Variants in SYT17 observed in about 807,000 individuals in gnomAD.
SYT17 encodes synaptotagmin-17.
Under a neutral mutation model 46.7 loss-of-function variants are expected in SYT17, and 22 were observed. The ratio of observed to expected loss-of-function variants is 0.47; its 90% CI spans 0.34 to 0.67. SYT17 has a LOEUF of 0.67. Ranked by LOEUF, SYT17 falls within the 30% of genes least tolerant of loss-of-function variation. The probability of loss-of-function intolerance (pLI) is 0.01; values close to 1 mark genes in which losing one functional copy is unlikely to be tolerated. For synonymous variants in SYT17, 251 were observed against 248.4 expected, an observed-to-expected ratio of 1.01 and a Z score of -0.10; for missense variants, 519 against 612.8, an observed-to-expected ratio of 0.85 and a Z score of 1.62.
intron 7 of SYT17, among the ~76,000 whole-genome samples, chr16:19,245,120 T>G (rs1170784269): frequency 3.3e-5 from 5 of 152,160 alleles, no homozygotes; most frequent in Admixed American, 6.5e-5. Context: ...AATTCCAGGC[T>G]GGCAAGAGCC....
intron 7 of SYT17, among the ~76,000 whole-genome samples, chr16:19,229,140 G>C (rs1966594775): frequency 1.3e-5 from 2 of 152,250 alleles, no homozygotes; most frequent in African/African-American, 2.4e-5. Context: ...AAGTAAAGTG[G>C]AGCTGGCCAC....
chr16:19,187,991 C>T (rs988727233), intron 5 of SYT17, among the ~76,000 whole-genome samples: 1 of 152,052 alleles, frequency 6.6e-6, no homozygotes, highest in Non-Finnish European at 1.5e-5. Flanking sequence ...GGGCATATAC[C>T]CAAAGGAATA....
At chr16:19,253,757 C>T (rs956702417) in intron 7 of SYT17, among the ~76,000 whole-genome samples, 4 of 152,122 alleles carry the variant, frequency 2.6e-5, no homozygotes, top group African/African-American at 7.2e-5. Flanking sequence ...GACGGAGTTT[C>T]ACTCTTGTTG....
intron 5 of SYT17, chr16:19,211,518 G>T (rs1209138791): frequency 1.4e-6 from 1 of 702,514 alleles, no homozygotes. Flanking sequence ...AGGCAGAGGG[G>T]TGTTTTCAAC....
At chr16:19,250,663 C>T (rs1047296684) in intron 7 of SYT17, among the ~76,000 whole-genome samples, 1 of 152,162 alleles carries the variant, frequency 6.6e-6, no homozygotes, top group African/African-American at 2.4e-5. Flanking sequence ...CATGACCTTG[C>T]CTCAGCCTCC....
Position 19,187,620 on chromosome 16 carries a change from ACT to A in SYT17, c.951+3476_951+3477del, listed in dbSNP as rs572059337. 4.3e-3 allele frequency among the ~76,000 whole-genome samples: 662 copies of A among 152,192 alleles called. 5 individuals carry two copies. Among genetic ancestry groups the A allele is most frequent in the African/African-American group, 0.015 (639 of 41,512 alleles). ...GCTCACACAAAGAGAGGCACTGGAG[ACT>A]CTGACTGAGGGAAGAATATGCTCCT... On this transcript the variant is annotated intron_variant, in intron 5 of 7. Coordinates refer to ENST00000355377, the MANE Select transcript of SYT17 (RefSeq NM_016524.4).
intron 5 of SYT17, among the ~76,000 whole-genome samples, chr16:19,191,638 A>C (rs988425535): frequency 6.6e-6 from 1 of 152,250 alleles, no homozygotes. Context: ...GCATTCAAAA[A>C]AGATAGAGTG....
At chr16:19,181,011 G>A (rs192997424) in intron 4 of SYT17, among the ~76,000 whole-genome samples, 300 of 152,274 alleles carry the variant, frequency 2.0e-3, no homozygotes, top group African/African-American at 7.0e-3. Flanking sequence ...GCAGGGTGGG[G>A]ACTTCGGTCA....
Position 19,183,542 on chromosome 16 carries a change from C to G in SYT17, c.346C>G (p.Arg116Gly), listed in dbSNP as rs139600806. Reference protein sequence around the residue: ...TRRISSLESRRPSSPLIDIKP... With the variant: ...TRRISSLESRGPSSPLIDIKP... ...GTGGCTCTCAGGTCTTGAGTCAAGA[C>G]GTCCCAGCTCTCCACTCATCGATAT... The change falls in exon 5 of 8, where the codon CGT (arginine) becomes GGT (glycine). Residue 116 changes from arginine (R) to glycine (G), a missense_variant. Transcript: ENST00000355377. The surrounding 1 kb of genome is among the most constrained non-coding windows in gnomAD (Gnocchi z 5.6). 1 of 1,614,024 alleles carries G rather than the reference C, an allele frequency of 6.2e-7. No homozygotes were observed. Among genetic ancestry groups the G allele is most frequent in the Non-Finnish European group, 8.5e-7 (1 of 1,179,914 alleles).
At chr16:19,238,515 C>T (rs1242634911) in intron 7 of SYT17, among the ~76,000 whole-genome samples, 1 of 152,246 alleles carries the variant, frequency 6.6e-6, no homozygotes, top group Admixed American at 6.5e-5. Context: ...TGCCAACATC[C>T]ACCAGGTGGT....
intron 7 of SYT17, among the ~76,000 whole-genome samples, chr16:19,226,679 G>A (rs560910454): frequency 9.8e-5 from 15 of 152,288 alleles, no homozygotes; most frequent in Middle Eastern, 3.4e-3. Context: ...ACAGAAGACC[G>A]TCACCCCTGA....
intron 7 of SYT17, among the ~76,000 whole-genome samples, chr16:19,239,853 G>A (rs572412702): frequency 1.3e-5 from 2 of 152,318 alleles, no homozygotes; most frequent in African/African-American, 4.8e-5. Context: ...AGGGTTATGT[G>A]AGCAAACGAG....
At chr16:19,245,130 C>T (rs1404053863) in intron 7 of SYT17, among the ~76,000 whole-genome samples, 1 of 152,190 alleles carries the variant, frequency 6.6e-6, no homozygotes, top group African/African-American at 2.4e-5. Context: ...TGGCAAGAGC[C>T]TGGAAAACCT....
chr16:19,225,662 C>T (rs1966473637), intron 7 of SYT17, among the ~76,000 whole-genome samples: 1 of 152,126 alleles, frequency 6.6e-6, no homozygotes, highest in African/African-American at 2.4e-5. Context: ...TTCAAGCTCA[C>T]TCACAGTTTT....
chr16:19,244,669 C>T (rs1354360370), intron 7 of SYT17, among the ~76,000 whole-genome samples: 2 of 152,226 alleles, frequency 1.3e-5, no homozygotes, highest in East Asian at 1.9e-4. Flanking sequence ...CATGGTCCTT[C>T]GAGGATCCTG....
chr16:19,199,769 T>C (rs1393291451), intron 5 of SYT17, among the ~76,000 whole-genome samples: 1 of 152,038 alleles, frequency 6.6e-6, no homozygotes, highest in East Asian at 1.9e-4. Context: ...AAAAGGATGA[T>C]ATTGATATCT....
At chr16:19,264,036 C>A (rs1354635382) in intron 7 of SYT17, among the ~76,000 whole-genome samples, 2 of 152,120 alleles carry the variant, frequency 1.3e-5, no homozygotes, top group African/African-American at 4.8e-5. Context: ...GGGATTAGTG[C>A]CCTTATAGAA....
Position 19,230,239 on chromosome 16 carries a change from C to T in SYT17, c.1228+5401C>T, listed in dbSNP as rs1314129385. 9.9e-5 allele frequency among the ~76,000 whole-genome samples: 15 copies of T among 152,122 alleles called. No homozygotes were observed. The South Asian group carries it at 1.5e-3, about 15-fold the overall frequency. Reference sequence around the variant, plus strand: ...CCTGGCCAATATGGTGAAACCCCATCTCTATAAAAATACAAAAATTAGCCA... The same window carrying T: ...CCTGGCCAATATGGTGAAACCCCATTTCTATAAAAATACAAAAATTAGCCA... On this transcript the variant is annotated intron_variant, in intron 7 of 7. Coordinates refer to ENST00000355377, the MANE Select transcript of SYT17 (RefSeq NM_016524.4).
intron 3 of SYT17, among the ~76,000 whole-genome samples, chr16:19,175,492 A>G (rs1426188577): frequency 6.6e-6 from 1 of 152,002 alleles, no homozygotes; most frequent in Non-Finnish European, 1.5e-5. Context: ...CTATCTCTAC[A>G]AAAATTTAAA....
Sources: gnomAD v4.1 joint callset for allele counts (sites outside exome capture counted in the v4.1 genomes callset) on GRCh38, gnomAD v4.1.1 for gene constraint, Gnocchi (gnomAD v3.1) non-coding constraint, MANE v1.5 for transcripts, NCBI Gene and HGNC (gene_info 2026-07-23, HGNC 2026-07-21) for gene names.